The following B3GALT1 variants were observed in gnomAD, a reference collection of about 807,000 sequenced individuals.
B3GALT1 encodes UDP-Gal:betaGlcNAc beta 1,3-galactosyltransferase, polypeptide 1.
A neutral mutation model predicts 23.2 loss-of-function variants in B3GALT1; 10 were observed. The ratio of observed to expected loss-of-function variants is 0.43; its 90% CI spans 0.27 to 0.73. B3GALT1 has a LOEUF of 0.73. Ranked by LOEUF, B3GALT1 falls within the 30% of genes least tolerant of loss-of-function variation. The pLI is 0.21. For missense variants in B3GALT1, 299 were observed against 405.4 expected, an observed-to-expected ratio of 0.74 and a Z score of 2.25; for synonymous variants, 156 against 141.5, an observed-to-expected ratio of 1.10 and a Z score of -0.73.
At chr2:167,379,274 T>G (rs1487272600) in intron 1 of B3GALT1, among the ~76,000 whole-genome samples, 1 of 152,132 alleles carries the variant, frequency 6.6e-6, no homozygotes, top group African/African-American at 2.4e-5. Flanking sequence ...ACGGCCCCCA[T>G]GATTCAGTTA....
At chr2:167,810,409 G>A (rs1222187378) in intron 3 of B3GALT1, among the ~76,000 whole-genome samples, 1 of 150,744 alleles carries the variant, frequency 6.6e-6, no homozygotes, top group African/African-American at 2.5e-5. Flanking sequence ...TTCCTATTCG[G>A]CCATCTTGGC....
intron 3 of B3GALT1, among the ~76,000 whole-genome samples, chr2:167,673,150 T>TG (rs1289008344): frequency 2.0e-5 from 3 of 152,074 alleles, no homozygotes; most frequent in African/African-American, 4.8e-5. Flanking sequence ...AGCATCAAGG[T>TG]GGGAAAGATT....
intron 2 of B3GALT1, among the ~76,000 whole-genome samples, chr2:167,618,663 C>T (rs1685204031): frequency 6.6e-6 from 1 of 152,000 alleles, no homozygotes; most frequent in South Asian, 2.1e-4. Context: ...TATTTCATTT[C>T]ATGTCTTTTT....
chr2:167,595,512 A>G (rs1244187103), intron 2 of B3GALT1, among the ~76,000 whole-genome samples: 3 of 71,524 alleles, frequency 4.2e-5, no homozygotes, highest in South Asian at 1.1e-3. Flanking sequence ...TGTTCGGGGG[A>G]CTTACAAAAA....
chr2:167,663,352 G>T (rs1260225142), intron 3 of B3GALT1, among the ~76,000 whole-genome samples: 4 of 151,448 alleles, frequency 2.6e-5, no homozygotes, highest in Non-Finnish European at 5.9e-5. Context: ...TCTTAATCCG[G>T]TCTATCATTG....
At chr2:167,607,748 C>T (rs763113627) in intron 2 of B3GALT1, among the ~76,000 whole-genome samples, 3 of 152,116 alleles carry the variant, frequency 2.0e-5, no homozygotes, top group Admixed American at 6.6e-5. Context: ...AGTGTGGGCT[C>T]CTACTACAAT....
chr2:167,579,432 C>CTTTTTTTTTTTTTTTTTTT (rs71395297), intron 2 of B3GALT1, among the ~76,000 whole-genome samples: 8 of 109,048 alleles, frequency 7.3e-5, no homozygotes, highest in East Asian at 3.8e-4. Context: ...TTTTTTTTGT[C>CTTTTTTTTTTTTTTTTTTT]TTTTTTTTTT....
Position 167,520,980 on chromosome 2 carries a change from A to G in B3GALT1, c.-410+30703A>G, listed in dbSNP as rs541089805. 1.2e-4 allele frequency among the ~76,000 whole-genome samples: 18 copies of G among 150,936 alleles called. No homozygotes were observed. In the South Asian group the frequency reaches 2.7e-3, roughly 23 times the overall value. Reference sequence around the variant, plus strand: ...TTCAATTAGGGCACAAACAAGATTAACTTTTTTTTTTTTGTAAATTGACAT... The same window carrying G: ...TTCAATTAGGGCACAAACAAGATTAGCTTTTTTTTTTTTGTAAATTGACAT... On this transcript the variant is annotated intron_variant, in intron 2 of 4. Transcript: ENST00000392690.
intron 2 of B3GALT1, among the ~76,000 whole-genome samples, chr2:167,543,535 A>C (rs1156920060): frequency 6.6e-6 from 1 of 152,224 alleles, no homozygotes; most frequent in Non-Finnish European, 1.5e-5. Flanking sequence ...CAAATTGATC[A>C]TTCAAGTTAA....
chr2:167,651,624 G>T lies in B3GALT1; in HGVS notation c.-352+4658G>T, dbSNP rs550474990. 3.3e-5 allele frequency among the ~76,000 whole-genome samples: 5 copies of T among 152,206 alleles called. No homozygotes were observed. In the South Asian group the frequency reaches 1.0e-3, roughly 32 times the overall value. ...CTACTATGTGCCATGTATCCATTAT[G>T]TTGGACTTTGAGTACACAATGTTTA... On this transcript the variant is annotated intron_variant, in intron 3 of 4. Transcript: ENST00000392690.
intron 3 of B3GALT1, among the ~76,000 whole-genome samples, chr2:167,740,612 G>GA (rs1385100816): frequency 1.7e-4 from 26 of 152,084 alleles, no homozygotes; most frequent in Non-Finnish European, 2.8e-4. Context: ...ATAATAAAAA[G>GA]AGTATAAAAT....
intron 3 of B3GALT1, among the ~76,000 whole-genome samples, chr2:167,790,227 T>C (rs529784487): frequency 6.6e-6 from 1 of 152,218 alleles, no homozygotes; most frequent in South Asian, 2.1e-4. Context: ...GAAATATAAT[T>C]CTACCCAGTG....
chr2:167,740,239 A>C (rs17582601), intron 3 of B3GALT1, among the ~76,000 whole-genome samples: 22,961 of 152,108 alleles, frequency 0.15, 2,081 homozygotes, highest in Non-Finnish European at 0.21. Context: ...TGAGGGGTCT[A>C]CTTTTTTACA....
At chr2:167,469,864 A>G (rs1699399905) in intron 1 of B3GALT1, among the ~76,000 whole-genome samples, 1 of 152,204 alleles carries the variant, frequency 6.6e-6, no homozygotes, top group Non-Finnish European at 1.5e-5. Flanking sequence ...AAAAGTGACT[A>G]GCCTATTATG....
intron 2 of B3GALT1, among the ~76,000 whole-genome samples, chr2:167,644,694 G>A (rs554502647): frequency 1.5e-3 from 224 of 148,028 alleles, no homozygotes; most frequent in African/African-American, 5.5e-3. Context: ...GCAGGAGAAT[G>A]GCTTGAACCC....
intron 3 of B3GALT1, among the ~76,000 whole-genome samples, chr2:167,739,935 C>CAA (rs201348475): frequency 1.2e-4 from 8 of 68,206 alleles, no homozygotes; most frequent in African/African-American, 4.7e-4. Flanking sequence ...TACAAAAAAA[C>CAA]AAACAAAAAA....
chr2:167,296,448 C>A (rs902296065), intron 1 of B3GALT1, among the ~76,000 whole-genome samples: 2 of 152,074 alleles, frequency 1.3e-5, no homozygotes, highest in Non-Finnish European at 2.9e-5. Context: ...ATCAGAAGTT[C>A]ATTCTCATTT....
chr2:167,766,673 AT>A (rs1015612438), intron 3 of B3GALT1, among the ~76,000 whole-genome samples: 7 of 152,204 alleles, frequency 4.6e-5, no homozygotes, highest in African/African-American at 1.7e-4. Flanking sequence ...ATGCCTAATG[AT>A]TTCCCATCAA....
chr2:167,565,595 C>T (rs1216585339), intron 2 of B3GALT1, among the ~76,000 whole-genome samples: 6 of 152,098 alleles, frequency 3.9e-5, no homozygotes, highest in African/African-American at 9.7e-5. Flanking sequence ...AGACAATTTT[C>T]GCAACCTACT....
Sources: gnomAD v4.1 joint callset for allele counts (sites outside exome capture counted in the v4.1 genomes callset) on GRCh38, gnomAD v4.1.1 for gene constraint, MANE v1.5 for transcripts, NCBI Gene and HGNC (gene_info 2026-07-23, HGNC 2026-07-21) for gene names.